MARCHF5: variants seen among roughly 807,000 people sequenced by gnomAD.
MARCHF5 encodes the protein membrane associated ring-CH-type finger 5.
Under a neutral mutation model 36.5 loss-of-function variants are expected in MARCHF5, and 5 were observed. The ratio of observed to expected loss-of-function variants is 0.14; its 90% CI spans 0.07 to 0.29. MARCHF5 has a LOEUF of 0.29. MARCHF5 is among the 10% of genes least tolerant of loss of function. The pLI is 1.00. For missense variants in MARCHF5, 179 were observed against 336.3 expected, an observed-to-expected ratio of 0.53 and a Z score of 3.66; for synonymous variants, 103 against 109.9, an observed-to-expected ratio of 0.94 and a Z score of 0.39.
Position 92,311,351 on chromosome 10 carries a change from TA to T in MARCHF5, c.238+19del, listed in dbSNP as rs1263418713. The stretch of plus-strand genomic sequence containing the variant: ...TTCCAAAATTGGGTAAGAATATCTT[TA>T]AAAACAACACAGATATAGTTGATGT... On this transcript the variant is annotated intron_variant, in intron 2 of 5. Transcript: ENST00000358935. 3 of 1,514,596 alleles carry T rather than the reference TA, an allele frequency of 2.0e-6. No individual in the cohort carries two copies. The highest frequency in any genetic ancestry group is 4.9e-5 in the East Asian group (2 of 40,974). 93.8% of individuals were successfully genotyped at this position (1,514,596 alleles called of 1,614,324 possible).
chr10:92,350,120 G>T (rs2255718), intron 5 of MARCHF5: 112,518 of 308,094 alleles, frequency 0.37, 23,164 homozygotes, highest in South Asian at 0.54. Context: ...AGTACTTTAC[G>T]ATCAGACCAC....
At chr10:92,338,217 G>A (rs763175053) in intron 2 of MARCHF5, among the ~76,000 whole-genome samples, 3 of 151,948 alleles carry the variant, frequency 2.0e-5, no homozygotes, top group Non-Finnish European at 4.4e-5. Context: ...TCAACCATAC[G>A]AAGGTTGAAG....
chr10:92,314,503 G>A (rs577566576), intron 2 of MARCHF5, among the ~76,000 whole-genome samples: 4 of 152,116 alleles, frequency 2.6e-5, no homozygotes, highest in African/African-American at 4.8e-5. Flanking sequence ...TTAGCCAGGC[G>A]TGGTGGCAGG....
chr10:92,345,697 CTTT>C (rs34971275), intron 3 of MARCHF5, among the ~76,000 whole-genome samples: 1 of 123,630 alleles, frequency 8.1e-6, no homozygotes, highest in Non-Finnish European at 1.7e-5. Context: ...TTTTTTTTTT[CTTT>C]TTTTTTTTTT....
Position 92,351,700 on chromosome 10 carries a change from A to G in MARCHF5, c.*493A>G, listed in dbSNP as rs1843715888. 1 of 152,658 alleles carries G rather than the reference A, an allele frequency of 6.6e-6. No individual in the cohort carries two copies. Among genetic ancestry groups the G allele is most frequent in the Non-Finnish European group, 1.5e-5 (1 of 68,064 alleles). The allele number at this position is 152,658 out of a possible 1,614,324, so 9.5% of individuals were successfully genotyped here. A position where few individuals can be genotyped will look rare whatever the true frequency, so the allele number is the denominator to read the frequency against. ...ATGTAAATTAAATTAGTTATAAATA[A>G]ATAACCAAAAATGTATGTAAACATT... On this transcript the variant is annotated 3_prime_UTR_variant, in exon 6 of 6. Coordinates refer to ENST00000358935, the MANE Select transcript of MARCHF5 (RefSeq NM_017824.5).
intron 2 of MARCHF5, among the ~76,000 whole-genome samples, chr10:92,322,442 T>TC (rs1277036982): frequency 5.6e-5 from 8 of 143,976 alleles, no homozygotes; most frequent in Non-Finnish European, 1.2e-4. Context: ...TTTTGTCCTT[T>TC]TTTTTTTTTT....
In MARCHF5 at chr10:92,339,689, A is replaced by G. The variant is rs533890519; in HGVS notation, c.239-984A>G. Among the ~76,000 whole-genome samples, 5 of 152,292 alleles carry G rather than the reference A, an allele frequency of 3.3e-5. No individual in the cohort carries two copies. In the South Asian group the frequency reaches 1.0e-3, roughly 32 times the overall value. On this transcript the variant is annotated intron_variant, in intron 2 of 5. Coordinates refer to ENST00000358935, the MANE Select transcript of MARCHF5 (RefSeq NM_017824.5). ...CATCTCAAAAAAAAATAAAAATAAT[A>G]AATAAATAAACTTAGATATTCAGTT...
chr10:92,352,397 TTGA>T lies in MARCHF5; in HGVS notation c.*1194_*1196del, dbSNP rs1308534966. The T allele has an allele frequency of 5.3e-5, 8 of 152,362 alleles. No individual in the cohort carries two copies. The highest frequency in any genetic ancestry group is 1.2e-4 in the African/African-American group (5 of 41,586). The allele number at this position is 152,362 out of a possible 1,614,324, so 9.4% of individuals were successfully genotyped here. A position where few individuals can be genotyped will look rare whatever the true frequency, so the allele number is the denominator to read the frequency against. ...ATGTTTTTAGATTTTAATTGTCCTA[TTGA>T]TGAGGCTAGCACCTTAATCACTGTT... On this transcript the variant is annotated 3_prime_UTR_variant, in exon 6 of 6. Coordinates refer to ENST00000358935, the MANE Select transcript of MARCHF5 (RefSeq NM_017824.5).
intron 1 of MARCHF5, among the ~76,000 whole-genome samples, chr10:92,296,506 T>G (rs567398802): frequency 2.6e-5 from 4 of 152,122 alleles, no homozygotes; most frequent in Non-Finnish European, 5.9e-5. Flanking sequence ...CTTCTCAAAG[T>G]TAGGAGTGAA....
chr10:92,334,447 T>C (rs1457260975), intron 2 of MARCHF5: 1 of 152,432 alleles, frequency 6.6e-6, no homozygotes, highest in Non-Finnish European at 1.5e-5. Flanking sequence ...CAACAAAGTA[T>C]AGAATTATGT....
intron 2 of MARCHF5, among the ~76,000 whole-genome samples, chr10:92,320,249 G>A (rs931738854): frequency 6.6e-6 from 1 of 151,682 alleles, no homozygotes; most frequent in Admixed American, 6.6e-5. Context: ...TAGAGACAAG[G>A]TCGTGCTTTG....
intron 2 of MARCHF5, among the ~76,000 whole-genome samples, chr10:92,330,731 G>A (rs951310986): frequency 3.9e-5 from 6 of 152,160 alleles, no homozygotes; most frequent in East Asian, 3.8e-4. Flanking sequence ...ACACAAGATC[G>A]TTACTACGTA....
chr10:92,300,532 C>T (rs1843000180), intron 1 of MARCHF5, among the ~76,000 whole-genome samples: 1 of 152,016 alleles, frequency 6.6e-6, no homozygotes, highest in Non-Finnish European at 1.5e-5. Context: ...TTTAGCCTGT[C>T]CTTCAGGACA....
At chr10:92,298,019 G>A (rs1222585736) in intron 1 of MARCHF5, among the ~76,000 whole-genome samples, 7 of 152,020 alleles carry the variant, frequency 4.6e-5, no homozygotes, top group African/African-American at 1.7e-4. Flanking sequence ...CCAACATGGC[G>A]AATCCCCATC....
At chr10:92,334,337 TAACAG>T (rs1237440057) in intron 2 of MARCHF5, 1 of 152,252 alleles carries the variant, frequency 6.6e-6, no homozygotes, top group Non-Finnish European at 1.5e-5. Flanking sequence ...ATTGGCCACT[TAACAG>T]AAGGAACTTA....
chr10:92,314,742 CCCCCCG>C (rs200368895), intron 2 of MARCHF5, among the ~76,000 whole-genome samples: 21,871 of 40,164 alleles, frequency 0.54, 3,777 homozygotes, highest in East Asian at 0.76. Context: ...GCTGCTGCTT[CCCCCCG>C]CCCCCCCCCG....
intron 1 of MARCHF5, among the ~76,000 whole-genome samples, chr10:92,299,605 TTA>T (rs1393970248): frequency 3.3e-5 from 5 of 152,328 alleles, no homozygotes; most frequent in African/African-American, 1.2e-4. Context: ...GTTGCATTTA[TTA>T]TAGTGTATCA....
Position 92,291,353 on chromosome 10 carries a change from G to C in MARCHF5, c.-142G>C, listed in dbSNP as rs1389998630. The C allele has an allele frequency of 1.3e-6, 1 of 756,072 alleles. No homozygotes were observed. The highest frequency in any genetic ancestry group is 3.0e-5 in the East Asian group (1 of 33,600). The allele number at this position is 756,072 out of a possible 1,614,324, so 46.8% of individuals were successfully genotyped here. Reference sequence around the variant, plus strand: ...CTGCACCGCCGCCGCCAGGCTAGCGGAGCTGCCCCGGGAAGCTGGGTGACG... The same window carrying C: ...CTGCACCGCCGCCGCCAGGCTAGCGCAGCTGCCCCGGGAAGCTGGGTGACG... On this transcript the variant is annotated 5_prime_UTR_variant, in exon 1 of 6. Coordinates refer to ENST00000358935, the MANE Select transcript of MARCHF5 (RefSeq NM_017824.5).
At chr10:92,323,507 C>T (rs1452316277) in intron 2 of MARCHF5, among the ~76,000 whole-genome samples, 1 of 152,080 alleles carries the variant, frequency 6.6e-6, no homozygotes, top group East Asian at 1.9e-4. Flanking sequence ...TAACATGTAT[C>T]CACCATTATA....
Sources: gnomAD v4.1 joint callset for allele counts (sites outside exome capture counted in the v4.1 genomes callset) on GRCh38, gnomAD v4.1.1 for gene constraint, MANE v1.5 for transcripts, NCBI Gene and HGNC (gene_info 2026-07-23, HGNC 2026-07-21) for gene names.